Variants in KLHL1 observed in about 807,000 individuals in gnomAD.
KLHL1 encodes kelch-like protein 1.
A neutral mutation model predicts 77.7 loss-of-function variants in KLHL1; 47 were observed. The observed-to-expected ratio is 0.60, with a 90% CI of 0.48 to 0.77. The LOEUF (loss-of-function observed/expected upper bound fraction) is 0.77. KLHL1 is among the 30% of genes least tolerant of loss of function. The pLI, the probability that KLHL1 is intolerant of heterozygous loss-of-function variation, is 0.00. For synonymous variants in KLHL1, 360 were observed against 325.2 expected (o/e 1.11, Z -1.15); for missense variants, 925 against 910.8 (o/e 1.02, Z -0.20).
chr13:69,824,088 TA>T (rs1475604892), intron 6 of KLHL1, among the ~76,000 whole-genome samples: 1 of 152,014 alleles, frequency 6.6e-6, no homozygotes, highest in African/African-American at 2.4e-5. Flanking sequence ...AAGCATCCTT[TA>T]AAAGTCAGAC....
chr13:69,704,685 A>G (rs1470647769), intron 10 of KLHL1, among the ~76,000 whole-genome samples: 1 of 151,714 alleles, frequency 6.6e-6, no homozygotes, highest in African/African-American at 2.4e-5. Flanking sequence ...GTACATTTTC[A>G]ATGTTTAAGA....
intron 5 of KLHL1, among the ~76,000 whole-genome samples, chr13:69,840,052 T>TA (rs1218538579): frequency 1.7e-4 from 26 of 152,026 alleles, no homozygotes; most frequent in Non-Finnish European, 2.5e-4. Context: ...TGTACATTGA[T>TA]AAAAAAATTG....
intron 1 of KLHL1, among the ~76,000 whole-genome samples, chr13:69,990,420 A>G (rs1319841581): frequency 6.6e-6 from 1 of 152,076 alleles, no homozygotes; most frequent in Non-Finnish European, 1.5e-5. Flanking sequence ...TGTCTTGAAG[A>G]GACCCATCTC....
chr13:69,795,164 C>A (rs939262851), intron 7 of KLHL1, among the ~76,000 whole-genome samples: 2 of 152,164 alleles, frequency 1.3e-5, no homozygotes, highest in Non-Finnish European at 2.9e-5. Context: ...CTGACTGAAC[C>A]TTTTATTGGC....
intron 7 of KLHL1, among the ~76,000 whole-genome samples, chr13:69,766,903 C>G (rs1006169260): frequency 6.6e-6 from 1 of 152,134 alleles, no homozygotes; most frequent in Non-Finnish European, 1.5e-5. Flanking sequence ...TTGATAGTAG[C>G]AATGTTAGTA....
chr13:69,994,974 G>A (rs1885114648), intron 1 of KLHL1, among the ~76,000 whole-genome samples: 1 of 152,062 alleles, frequency 6.6e-6, no homozygotes, highest in South Asian at 2.1e-4. Flanking sequence ...AGTGAATTGA[G>A]CTCTTTGGTA....
At chr13:69,755,234 CTT>C (rs1311217738) in intron 7 of KLHL1, among the ~76,000 whole-genome samples, 2 of 151,766 alleles carry the variant, frequency 1.3e-5, no homozygotes, top group African/African-American at 2.4e-5. Context: ...ATTTCTCTCT[CTT>C]GATCCCACTC....
chr13:70,002,238 A>C (rs1055939496), intron 1 of KLHL1, among the ~76,000 whole-genome samples: 1 of 151,660 alleles, frequency 6.6e-6, no homozygotes, highest in African/African-American at 2.4e-5. Context: ...TTTTAAATAA[A>C]GAAAAAGATT....
intron 5 of KLHL1, among the ~76,000 whole-genome samples, chr13:69,862,823 A>T (rs1230639178): frequency 2.1e-4 from 32 of 152,150 alleles, no homozygotes; most frequent in Non-Finnish European, 2.9e-5. Context: ...GCCAGGAAGA[A>T]AGCCCTCACC....
chr13:69,874,278 T>C (rs1245595426), intron 5 of KLHL1, among the ~76,000 whole-genome samples: 1 of 152,230 alleles, frequency 6.6e-6, no homozygotes, highest in Non-Finnish European at 1.5e-5. Context: ...TAATGGACTA[T>C]ATAGTCCTCT....
chr13:70,105,969 G>A (rs1888044978), intron 1 of KLHL1, among the ~76,000 whole-genome samples: 1 of 150,090 alleles, frequency 6.7e-6, no homozygotes. Flanking sequence ...TTCAATCTCT[G>A]AAAATTAAAA....
intron 3 of KLHL1, among the ~76,000 whole-genome samples, chr13:69,943,308 A>G (rs1301948845): frequency 6.6e-6 from 1 of 152,022 alleles, no homozygotes; most frequent in African/African-American, 2.4e-5. Context: ...ATATGACAAC[A>G]TGGTTAATAG....
chr13:69,892,253 T>G (rs1005073862), intron 4 of KLHL1, among the ~76,000 whole-genome samples: 2 of 152,134 alleles, frequency 1.3e-5, no homozygotes, highest in African/African-American at 4.8e-5. Flanking sequence ...TTTAACAGCT[T>G]AGAAGAAAAT....
intron 3 of KLHL1, among the ~76,000 whole-genome samples, chr13:69,941,464 G>T (rs1439241384): frequency 6.6e-6 from 1 of 151,982 alleles, no homozygotes; most frequent in East Asian, 1.9e-4. Context: ...TAAGAGGAAA[G>T]TTTATAGCGA....
intron 6 of KLHL1, among the ~76,000 whole-genome samples, chr13:69,822,589 A>G (rs1415856380): frequency 6.6e-6 from 1 of 152,188 alleles, no homozygotes; most frequent in Admixed American, 6.5e-5. Context: ...GGTCTCCAGT[A>G]GAGATTCTTG....
At chr13:69,970,186 A>G (rs1195307354) in intron 2 of KLHL1, among the ~76,000 whole-genome samples, 1 of 152,106 alleles carries the variant, frequency 6.6e-6, no homozygotes, top group Admixed American at 6.6e-5. Flanking sequence ...TACTATTTTT[A>G]CGGTGGTTGT....
At chr13:69,958,006 T>C (rs546044841) in intron 3 of KLHL1, among the ~76,000 whole-genome samples, 1 of 151,878 alleles carries the variant, frequency 6.6e-6, no homozygotes, top group Non-Finnish European at 1.5e-5. Flanking sequence ...ACTAACTTCA[T>C]ACCTTAAAAG....
intron 7 of KLHL1, among the ~76,000 whole-genome samples, chr13:69,765,149 G>T (rs1267657592): frequency 6.6e-6 from 1 of 151,118 alleles, no homozygotes; most frequent in African/African-American, 2.4e-5. Flanking sequence ...ATGGGATTTT[G>T]CCATGTTGGC....
chr13:70,010,562 C>T (rs1885508809), intron 1 of KLHL1, among the ~76,000 whole-genome samples: 1 of 151,962 alleles, frequency 6.6e-6, no homozygotes, highest in Admixed American at 6.6e-5. Flanking sequence ...ATATGATACA[C>T]AGAGATGGAG....
Sources: gnomAD v4.1 joint callset for allele counts (sites outside exome capture counted in the v4.1 genomes callset) on GRCh38, gnomAD v4.1.1 for gene constraint, MANE v1.5 for transcripts, NCBI Gene and HGNC (gene_info 2026-07-23, HGNC 2026-07-21) for gene names.